RNGTT: variants seen among roughly 807,000 people sequenced by gnomAD.
The protein encoded by RNGTT is mRNA-capping enzyme.
A neutral mutation model predicts 79.3 loss-of-function variants in RNGTT; 33 were observed. That is an observed-to-expected ratio of 0.42 (90% CI 0.32 to 0.56). RNGTT has a LOEUF of 0.56. RNGTT is among the 20% of genes least tolerant of loss of function. RNGTT has a pLI of 0.17. For synonymous variants in RNGTT, 222 were observed against 235.9 expected (o/e 0.94, Z 0.54); for missense variants, 497 against 739.1 (o/e 0.67, Z 3.80).
At chr6:88,945,253 C>T (rs1784971436) in intron 1 of RNGTT, among the ~76,000 whole-genome samples, 1 of 152,166 alleles carries the variant, frequency 6.6e-6, no homozygotes, top group African/African-American at 2.4e-5. Context: ...CTCAGCAATC[C>T]ACTACAACTC....
chr6:88,955,729 A>T (rs1785408570), intron 1 of RNGTT, among the ~76,000 whole-genome samples: 1 of 152,012 alleles, frequency 6.6e-6, no homozygotes, highest in Admixed American at 6.6e-5. Context: ...AATACCAAAC[A>T]TCCACAAAAG....
intron 14 of RNGTT, among the ~76,000 whole-genome samples, chr6:88,622,035 C>T (rs930215072): frequency 3.3e-5 from 5 of 152,098 alleles, no homozygotes; most frequent in African/African-American, 1.2e-4. Context: ...CTTTCTTCAG[C>T]CTTTTTCTGT....
At chr6:88,863,521 A>T (rs1315741247) in intron 8 of RNGTT, among the ~76,000 whole-genome samples, 1 of 152,214 alleles carries the variant, frequency 6.6e-6, no homozygotes, top group Non-Finnish European at 1.5e-5. Context: ...CTCAAGCCTT[A>T]TCAAAGTACC....
chr6:88,861,922 A>G (rs1283246873), intron 8 of RNGTT, among the ~76,000 whole-genome samples: 1 of 152,162 alleles, frequency 6.6e-6, no homozygotes, highest in Non-Finnish European at 1.5e-5. Context: ...TATATACATA[A>G]TAAGTAATTT....
At chr6:88,855,126 C>A (rs1228166565) in intron 8 of RNGTT, among the ~76,000 whole-genome samples, 1 of 152,142 alleles carries the variant, frequency 6.6e-6, no homozygotes, top group Non-Finnish European at 1.5e-5. Context: ...AAAGAGAACA[C>A]TGACCAGACT....
chr6:88,713,243 G>A (rs1776379749), intron 13 of RNGTT, among the ~76,000 whole-genome samples: 1 of 152,004 alleles, frequency 6.6e-6, no homozygotes, highest in Admixed American at 6.6e-5. Flanking sequence ...TGCCATGTGA[G>A]GGTACAACAA....
intron 6 of RNGTT, among the ~76,000 whole-genome samples, chr6:88,896,247 A>G (rs1364089919): frequency 6.6e-6 from 1 of 152,008 alleles, no homozygotes; most frequent in Non-Finnish European, 1.5e-5. Flanking sequence ...TGCCCTCCCA[A>G]CCCACAAAGA....
chr6:88,719,932 T>C (rs1347584395), intron 13 of RNGTT, among the ~76,000 whole-genome samples: 1 of 152,214 alleles, frequency 6.6e-6, no homozygotes, highest in African/African-American at 2.4e-5. Context: ...TCAGTACATC[T>C]ACTCATTTCA....
intron 11 of RNGTT, among the ~76,000 whole-genome samples, chr6:88,811,603 G>A (rs1475850933): frequency 6.6e-6 from 1 of 152,130 alleles, no homozygotes; most frequent in Non-Finnish European, 1.5e-5. Context: ...GCATAGAAAG[G>A]AGCCTTTTAA....
At chr6:88,627,234 CAA>C (rs1772668329) in intron 14 of RNGTT, among the ~76,000 whole-genome samples, 1 of 151,998 alleles carries the variant, frequency 6.6e-6, no homozygotes, top group South Asian at 2.1e-4. Flanking sequence ...CTGGCAGTAA[CAA>C]ATAACTAAGT....
chr6:88,909,929 C>T (rs1044813686), intron 4 of RNGTT, among the ~76,000 whole-genome samples: 3 of 151,424 alleles, frequency 2.0e-5, no homozygotes, highest in African/African-American at 7.3e-5. Flanking sequence ...CTATACACAA[C>T]ATTTACCACC....
intron 6 of RNGTT, among the ~76,000 whole-genome samples, chr6:88,896,052 T>C (rs576276340): frequency 1.5e-4 from 23 of 152,296 alleles, no homozygotes; most frequent in Admixed American, 2.6e-4. Context: ...TAAAGCTACT[T>C]ATTCTCCCAC....
At chr6:88,701,930 G>C (rs2127802256) in intron 13 of RNGTT, among the ~76,000 whole-genome samples, 1 of 152,088 alleles carries the variant, frequency 6.6e-6, no homozygotes, top group Admixed American at 6.6e-5. Flanking sequence ...CTCGAGATGA[G>C]AGCCAAATCA....
chr6:88,692,657 G>GA (rs1775524226), intron 13 of RNGTT, among the ~76,000 whole-genome samples: 2 of 151,952 alleles, frequency 1.3e-5, no homozygotes, highest in African/African-American at 4.8e-5. Flanking sequence ...GGAAGGATTA[G>GA]AAAAAGACAG....
At chr6:88,820,278 C>CA (rs1325907795) in intron 11 of RNGTT, among the ~76,000 whole-genome samples, 2 of 151,994 alleles carry the variant, frequency 1.3e-5, no homozygotes, top group Non-Finnish European at 2.9e-5. Context: ...ATAAAGAAAG[C>CA]AAAATTTTAA....
intron 2 of RNGTT, among the ~76,000 whole-genome samples, chr6:88,933,747 C>T (rs746998423): frequency 1.8e-4 from 28 of 151,682 alleles, no homozygotes; most frequent in Non-Finnish European, 4.0e-4. Context: ...ATGATGATTT[C>T]ATTTTTTCTT....
At chr6:88,734,968 A>AGTATAG (rs1327224244) in intron 13 of RNGTT, among the ~76,000 whole-genome samples, 2 of 152,156 alleles carry the variant, frequency 1.3e-5, no homozygotes, top group Admixed American at 1.3e-4. Flanking sequence ...TTGACTTAAC[A>AGTATAG]GTATTTTCAA....
intron 13 of RNGTT, among the ~76,000 whole-genome samples, chr6:88,765,767 T>C (rs574935245): frequency 1.1e-4 from 16 of 152,178 alleles, no homozygotes; most frequent in Non-Finnish European, 2.1e-4. Context: ...TACCAGTATA[T>C]ATACTGTCAA....
chr6:88,881,045 C>T (rs1782680656), intron 8 of RNGTT, among the ~76,000 whole-genome samples: 1 of 152,114 alleles, frequency 6.6e-6, no homozygotes, highest in African/African-American at 2.4e-5. Context: ...AGAACTGACT[C>T]CCCCCTCCTG....
Sources: allele counts gnomAD v4.1 joint callset (sites outside exome capture counted in the v4.1 genomes callset), GRCh38; gene constraint gnomAD v4.1.1; transcripts MANE v1.5; gene names NCBI Gene and HGNC (gene_info 2026-07-23, HGNC 2026-07-21).